Variants in WNT7A observed in about 807,000 individuals in gnomAD.
The protein encoded by WNT7A is Wnt family member 7A, also known as protein Wnt-7a.
WNT7A carries 16 observed loss-of-function variants against 28.2 expected under a neutral mutation model. The ratio of observed to expected loss-of-function variants is 0.57; its 90% CI spans 0.38 to 0.86. The LOEUF is 0.86. Among genes scored for constraint, WNT7A ranks in the 40% least tolerant of loss-of-function variants. WNT7A has a pLI of 0.00. For missense variants in WNT7A, 411 were observed against 489.7 expected, an observed-to-expected ratio of 0.84 and a Z score of 1.52; for synonymous variants, 190 against 195.9, an observed-to-expected ratio of 0.97 and a Z score of 0.25.
At chr3:13,843,506 C>A (rs1694494097) in intron 3 of WNT7A, among the ~76,000 whole-genome samples, 1 of 152,084 alleles carries the variant, frequency 6.6e-6, no homozygotes, top group Non-Finnish European at 1.5e-5. Context: ...ATTCACACCT[C>A]CCCGCATGGT....
intron 2 of WNT7A, among the ~76,000 whole-genome samples, chr3:13,857,855 C>T (rs1322960716): frequency 6.6e-6 from 1 of 152,186 alleles, no homozygotes; most frequent in Admixed American, 6.5e-5. Context: ...GTCACCTAAC[C>T]TCTCTGTGCT....
At chr3:13,839,361 T>G (rs1694421192) in intron 3 of WNT7A, among the ~76,000 whole-genome samples, 1 of 152,198 alleles carries the variant, frequency 6.6e-6, no homozygotes. Context: ...GGAGCCCAGA[T>G]AGGGGGTGGG....
chr3:13,854,769 A>G lies in WNT7A; in HGVS notation c.333T>C (p.Ile111=). 6.2e-7 allele frequency: 1 copy of G among 1,613,708 alleles called. No individual in the cohort carries two copies. The highest frequency in any genetic ancestry group is 8.5e-7 in the Non-Finnish European group (1 of 1,180,036). The part of the protein sequence containing the change: ...SREAAFTYAI[I]AAGVAHAITA... ...TGATGGCGTGGGCCACGCCGGCGGC[A>G]ATGATGGCGTAGGTGAACGCAGCCT... The change falls in exon 3 of 4, where the codon ATT becomes ATC. Residue 111 remains isoleucine (I), a synonymous_variant. Coordinates refer to ENST00000285018, the MANE Select transcript of WNT7A (RefSeq NM_004625.4).
chr3:13,853,652 G>T (rs973501559), intron 3 of WNT7A, among the ~76,000 whole-genome samples: 1 of 152,186 alleles, frequency 6.6e-6, no homozygotes, highest in African/African-American at 2.4e-5. Context: ...GTTGCCCACG[G>T]GCTCATGGCA....
At chr3:13,846,026 C>T (rs936005105) in intron 3 of WNT7A, among the ~76,000 whole-genome samples, 8 of 152,192 alleles carry the variant, frequency 5.3e-5, no homozygotes, top group African/African-American at 1.9e-4. Flanking sequence ...GCCTGGGGCC[C>T]CTCACCTGCC....
At chr3:13,835,038 T>C (rs929321700) in intron 3 of WNT7A, among the ~76,000 whole-genome samples, 2 of 151,860 alleles carry the variant, frequency 1.3e-5, no homozygotes, top group Admixed American at 1.3e-4. Context: ...GAACCAGACG[T>C]TGAAGAGGAG....
intron 2 of WNT7A, among the ~76,000 whole-genome samples, chr3:13,868,506 A>AAAAG (rs1694946386): frequency 7.0e-6 from 1 of 143,854 alleles, no homozygotes; most frequent in African/African-American, 2.7e-5. Context: ...GAAAGAAAGA[A>AAAAG]AGAGAGAGAG....
chr3:13,878,331 G>A (rs1026401020), intron 1 of WNT7A, among the ~76,000 whole-genome samples: 7 of 152,198 alleles, frequency 4.6e-5, no homozygotes, highest in Non-Finnish European at 1.0e-4. Context: ...CGAGTCAATC[G>A]GCTCGAGCCA....
In WNT7A at chr3:13,873,956, G is replaced by T. The variant is rs539729165; in HGVS notation, c.298+991C>A. Among the ~76,000 whole-genome samples the T allele has an allele frequency of 1.1e-4, 17 of 152,300 alleles. No individual in the cohort carries two copies. In the South Asian group the frequency reaches 3.1e-3, roughly 28 times the overall value. On this transcript the variant is annotated intron_variant, in intron 2 of 3. Transcript: ENST00000285018. ...TCTGATGCAAGAAAGCCTCCAGAGG[G>T]GTTTAAGCAGCGCAGTGACATGATC... is the stretch of plus-strand genomic sequence containing the variant.
In WNT7A at chr3:13,830,153, C is replaced by T. The variant is rs866999393; in HGVS notation, c.571-10730G>A. 2.0e-4 allele frequency among the ~76,000 whole-genome samples: 30 copies of T among 152,092 alleles called. 1 individual carries two copies. Among genetic ancestry groups the T allele is most frequent in the Admixed American group, 7.2e-4 (11 of 15,274 alleles). On this transcript the variant is annotated intron_variant, in intron 3 of 3. Transcript: ENST00000285018. ...CCATGCTCAGACCCCAGCCACCCTC[C>T]CCCAAGCAGGAGGCTCGTTCCTGAA...
At chr3:13,861,745 T>TC in intron 2 of WNT7A, among the ~76,000 whole-genome samples, 1 of 152,096 alleles carries the variant, frequency 6.6e-6, no homozygotes, top group Admixed American at 6.5e-5. Flanking sequence ...GCCCTTCCTC[T>TC]CCCCAGAATC....
intron 3 of WNT7A, among the ~76,000 whole-genome samples, chr3:13,848,626 T>G (rs1034750674): frequency 1.3e-5 from 2 of 152,178 alleles, no homozygotes; most frequent in Non-Finnish European, 2.9e-5. Flanking sequence ...ACTCACACAT[T>G]GCTAGTGGGA....
intron 3 of WNT7A, among the ~76,000 whole-genome samples, chr3:13,837,538 G>GTGAATGAA (rs59047870): frequency 0.039 from 5,869 of 149,862 alleles, 194 homozygotes; most frequent in African/African-American, 0.086. Context: ...TTCTGGGTGA[G>GTGAATGAA]TGAATGAATG....
At chr3:13,844,695 G>A (rs904160832) in intron 3 of WNT7A, among the ~76,000 whole-genome samples, 6 of 152,218 alleles carry the variant, frequency 3.9e-5, no homozygotes, top group African/African-American at 1.2e-4. Context: ...CTGAAAGGAG[G>A]TAATTTAAAG....
intron 2 of WNT7A, among the ~76,000 whole-genome samples, chr3:13,865,484 T>C (rs1434979622): frequency 6.6e-6 from 1 of 152,164 alleles, no homozygotes; most frequent in Admixed American, 6.5e-5. Context: ...GTTGATCAAA[T>C]TGACATTAAA....
chr3:13,869,305 G>T (rs920096514), intron 2 of WNT7A, among the ~76,000 whole-genome samples: 2 of 142,152 alleles, frequency 1.4e-5, no homozygotes, highest in East Asian at 4.4e-4. Flanking sequence ...AAGAGAGGAA[G>T]AGGGAAAGAG....
rs527442670 is a variant in WNT7A, at chr3:13,836,390, A to G, written c.571-16967T>C. 2.0e-4 allele frequency among the ~76,000 whole-genome samples: 30 copies of G among 152,328 alleles called. No individual in the cohort carries two copies. In the South Asian group the frequency reaches 6.0e-3, roughly 30 times the overall value. On this transcript the variant is annotated intron_variant, in intron 3 of 3. Transcript: ENST00000285018. ...TCTCCCCAGGCTCTGCTTCAGAGTC[A>G]TCTGCAGAATCCCAGCCTTTCAGAA...
At chr3:13,868,992 GAGAA>G (rs1273700508) in intron 2 of WNT7A, among the ~76,000 whole-genome samples, 5 of 146,108 alleles carry the variant, frequency 3.4e-5, no homozygotes, top group African/African-American at 1.0e-4. Flanking sequence ...GAAAGAAAAA[GAGAA>G]AGAGAGAAAG....
intron 3 of WNT7A, among the ~76,000 whole-genome samples, chr3:13,831,195 C>T (rs532563330): frequency 6.6e-6 from 1 of 152,320 alleles, no homozygotes; most frequent in South Asian, 2.1e-4. Flanking sequence ...ATGCCCAAAC[C>T]TCTCAGCAGA....
Sources: gnomAD v4.1 joint callset for allele counts (sites outside exome capture counted in the v4.1 genomes callset) on GRCh38, gnomAD v4.1.1 for gene constraint, MANE v1.5 for transcripts, NCBI Gene and HGNC (gene_info 2026-07-23, HGNC 2026-07-21) for gene names.